Variants in MMS22L observed in about 807,000 individuals in gnomAD.
The protein encoded by MMS22L is protein MMS22-like.
MMS22L carries 74 observed loss-of-function variants against 159.1 expected under a neutral mutation model. The observed-to-expected ratio is 0.47, with a 90% confidence interval of 0.39 to 0.56. MMS22L has a LOEUF of 0.56. MMS22L is among the 20% of genes least tolerant of loss of function. The probability of loss-of-function intolerance (pLI) is 0.00; values close to 1 mark genes in which losing one functional copy is unlikely to be tolerated. For missense variants in MMS22L, 1,351 were observed against 1,422.1 expected, an observed-to-expected ratio of 0.95 and a Z score of 0.80; for synonymous variants, 517 against 506.9, an observed-to-expected ratio of 1.02 and a Z score of -0.27.
chr6:97,212,601 C>T (rs1357136818), intron 14 of MMS22L, among the ~76,000 whole-genome samples: 1 of 152,098 alleles, frequency 6.6e-6, no homozygotes, highest in Non-Finnish European at 1.5e-5. Context: ...CTCTTCAATA[C>T]GTATCATTAT....
chr6:97,219,843 T>C (rs531647995), intron 14 of MMS22L, among the ~76,000 whole-genome samples: 2 of 152,308 alleles, frequency 1.3e-5, no homozygotes, highest in South Asian at 2.1e-4. Context: ...CTCCCATATA[T>C]GATGCTCTTT....
In MMS22L at chr6:97,267,777, A is replaced by G. The variant is rs1815293014; in HGVS notation, c.828+95T>C. On this transcript the variant is annotated intron_variant, in intron 8 of 24. Coordinates refer to ENST00000683635, the MANE Select transcript of MMS22L (RefSeq NM_001350599.2). ...CTAAATATAAAATTAGAACATATAA[A>G]GCATTTTAGTTTAAATTCTTACAGA... 3 of 1,116,928 alleles carry G rather than the reference A, an allele frequency of 2.7e-6. No homozygotes were observed. The East Asian group carries it at 9.2e-5, about 34-fold the overall frequency. The allele number at this position is 1,116,928 out of a possible 1,614,324, so 69.2% of individuals were successfully genotyped here.
intron 9 of MMS22L, chr6:97,258,998 A>AT (rs1319270941): frequency 6.6e-6 from 1 of 152,138 alleles, no homozygotes; most frequent in Non-Finnish European, 1.5e-5. Context: ...AACTACCCAA[A>AT]TAATTACATC....
chr6:97,159,270 CTT>C (rs1443052824), intron 22 of MMS22L, among the ~76,000 whole-genome samples: 1 of 151,834 alleles, frequency 6.6e-6, no homozygotes, highest in African/African-American at 2.4e-5. Flanking sequence ...CAGCCTGTGT[CTT>C]TTAATCGGGG....
intron 18 of MMS22L, among the ~76,000 whole-genome samples, chr6:97,174,260 TAAAAA>T (rs966525669): frequency 3.1e-5 from 4 of 128,556 alleles, no homozygotes; most frequent in Non-Finnish European, 5.1e-5. Flanking sequence ...AAAAAAAAAA[TAAAAA>T]AAAAAAAAAA....
chr6:97,142,777 G>C lies in MMS22L; in HGVS notation c.*4029C>G, dbSNP rs976969785. 1.3e-5 allele frequency: 2 copies of C among 152,080 alleles called. No individual in the cohort carries two copies. The highest frequency in any genetic ancestry group is 2.9e-5 in the Non-Finnish European group (2 of 67,978). 9.4% of individuals were successfully genotyped at this position (152,080 alleles called of 1,614,324 possible). A position where few individuals can be genotyped will look rare whatever the true frequency, so the allele number is the denominator to read the frequency against. On this transcript the variant is annotated 3_prime_UTR_variant, in exon 25 of 25. Coordinates refer to ENST00000683635, the MANE Select transcript of MMS22L (RefSeq NM_001350599.2). ...TTTAACTGTCAAAGATTCTGTGAAA[G>C]TACACAGAAGCAGGTCCGTGTAATT...
Position 97,186,252 on chromosome 6 carries a change from A to G in MMS22L, c.2233+245T>C, listed in dbSNP as rs17057489. ...GTTTACCTTCCAAAATATTACATGC[A>G]TAAGAAAAGCTTATGTATATTCAAT... On this transcript the variant is annotated intron_variant, in intron 15 of 24. Coordinates refer to ENST00000683635, the MANE Select transcript of MMS22L (RefSeq NM_001350599.2). Among the ~76,000 whole-genome samples the G allele has an allele frequency of 1.9e-3, 283 of 152,328 alleles. 1 individual carries two copies. Among genetic ancestry groups the G allele is most frequent in the African/African-American group, 6.0e-3 (251 of 41,576 alleles).
chr6:97,179,900 T>C (rs1804530492), intron 16 of MMS22L, among the ~76,000 whole-genome samples: 1 of 152,144 alleles, frequency 6.6e-6, no homozygotes, highest in Non-Finnish European at 1.5e-5. Flanking sequence ...CTAGGTGAGA[T>C]AATAATGAAG....
At chr6:97,219,187 G>C (rs1398642078) in intron 14 of MMS22L, among the ~76,000 whole-genome samples, 1 of 152,064 alleles carries the variant, frequency 6.6e-6, no homozygotes, top group Admixed American at 6.5e-5. Flanking sequence ...ATATCAACTG[G>C]TAACACACGG....
intron 11 of MMS22L, among the ~76,000 whole-genome samples, chr6:97,236,888 T>C (rs188555633): frequency 6.6e-6 from 1 of 151,602 alleles, no homozygotes; most frequent in African/African-American, 2.4e-5. Context: ...GAGGCGAAGC[T>C]TGCAGTGAGC....
intron 10 of MMS22L, among the ~76,000 whole-genome samples, chr6:97,249,521 G>A (rs1813016575): frequency 6.6e-6 from 1 of 152,014 alleles, no homozygotes; most frequent in Non-Finnish European, 1.5e-5. Flanking sequence ...CTCAAAAAAA[G>A]CTCATTTTCT....
At chr6:97,147,292 G>A (rs1266010537) in intron 24 of MMS22L, among the ~76,000 whole-genome samples, 1 of 152,134 alleles carries the variant, frequency 6.6e-6, no homozygotes, top group Non-Finnish European at 1.5e-5. Flanking sequence ...GACCTGTGTA[G>A]CAATTTCAGT....
At chr6:97,270,976 A>G (rs1173263510) in intron 6 of MMS22L, 1 of 152,126 alleles carries the variant, frequency 6.6e-6, no homozygotes, top group Admixed American at 6.5e-5. Flanking sequence ...TAAAAAATTC[A>G]AATCGACCTA....
At chr6:97,279,711 G>A (rs888456205) in intron 3 of MMS22L, among the ~76,000 whole-genome samples, 3 of 150,532 alleles carry the variant, frequency 2.0e-5, no homozygotes, top group East Asian at 2.0e-4. Context: ...GCTTAAACTC[G>A]GGAGGCGGAA....
rs747692911 is a variant in MMS22L at position 97,267,914 on chromosome 6, G to T, written c.786C>A (p.Leu262=). 3.1e-6 allele frequency: 5 copies of T among 1,608,762 alleles called. No individual in the cohort carries two copies. The Middle Eastern group carries it at 6.6e-4, about 213-fold the overall frequency. ...GTGACAGGCTTATTAAATCACAAAG[G>T]AGAGTTTCACAATGTTCTTCAAATA... ...ISLFEEHCET[L]LCDLISLSLN... is the part of the protein sequence containing the mutation. Residue 262 remains leucine, a synonymous_variant, in exon 8 of 25, where the codon CTC becomes CTA. Coordinates refer to ENST00000683635, the MANE Select transcript of MMS22L (RefSeq NM_001350599.2).
intron 14 of MMS22L, among the ~76,000 whole-genome samples, chr6:97,211,757 A>G (rs1808403957): frequency 6.6e-6 from 1 of 152,176 alleles, no homozygotes; most frequent in South Asian, 2.1e-4. Flanking sequence ...GTGTATCAAT[A>G]ACACAGTGCT....
intron 14 of MMS22L, 89 bp from the exon 15 acceptor site, chr6:97,186,779 T>A (rs986673323): frequency 6.5e-6 from 6 of 925,992 alleles, no homozygotes; most frequent in Non-Finnish European, 3.1e-6. Context: ...TCCATTTATA[T>A]CATATGAGAA....
chr6:97,153,286 T>C (rs543714231), intron 22 of MMS22L, among the ~76,000 whole-genome samples: 1 of 152,044 alleles, frequency 6.6e-6, no homozygotes, highest in South Asian at 2.1e-4. Flanking sequence ...TTCAATATCT[T>C]GAAAAGAAAT....
intron 11 of MMS22L, among the ~76,000 whole-genome samples, chr6:97,235,320 T>C (rs1378460114): frequency 6.6e-6 from 1 of 152,142 alleles, no homozygotes; most frequent in Non-Finnish European, 1.5e-5. Context: ...GAAGAACTTA[T>C]GAGGTGAGTG....
Sources: allele counts gnomAD v4.1 joint callset (sites outside exome capture counted in the v4.1 genomes callset), GRCh38; gene constraint gnomAD v4.1.1; transcripts MANE v1.5; gene names NCBI Gene and HGNC (gene_info 2026-07-23, HGNC 2026-07-21).